The following PACS2 variants were observed in gnomAD, a reference collection of about 807,000 sequenced individuals.
PACS2 encodes phosphofurin acidic cluster sorting protein 2.
PACS2 carries 36 observed loss-of-function variants against 113.0 expected under a neutral mutation model. The ratio of observed to expected loss-of-function variants is 0.32; its 90% CI spans 0.24 to 0.42. The LOEUF is 0.42. Among genes scored for constraint, PACS2 ranks in the 10% least tolerant of loss-of-function variants. The pLI, the probability that PACS2 is intolerant of heterozygous loss-of-function variation, is 1.00. For synonymous variants in PACS2, 589 were observed against 536.1 expected, an observed-to-expected ratio of 1.10 and a Z score of -1.36; for missense variants, 1,015 against 1,239.5, an observed-to-expected ratio of 0.82 and a Z score of 2.72.
At chr14:105,305,909 G>A (rs587625796) in intron 1 of PACS2, among the ~76,000 whole-genome samples, 15 of 152,356 alleles carry the variant, frequency 9.8e-5, no homozygotes, top group African/African-American at 2.9e-4. Context: ...CACTCGCACC[G>A]CGCCAAAGAG....
At chr14:105,316,352 C>G (rs2058629106) in intron 1 of PACS2, among the ~76,000 whole-genome samples, 1 of 152,238 alleles carries the variant, frequency 6.6e-6, no homozygotes. Flanking sequence ...GAGCATCTCC[C>G]CAGGCCTGGC....
In PACS2 at chr14:105,330,183, G is replaced by A. The variant is rs1367081722; in HGVS notation, c.119+15146G>A. 1.4e-5 allele frequency among the ~76,000 whole-genome samples: 2 copies of A among 144,136 alleles called. No individual in the cohort carries two copies. Among genetic ancestry groups the A allele is most frequent in the Admixed American group, 6.8e-5 (1 of 14,662 alleles). The allele number at this position is 144,136 out of a possible 152,430, so 94.6% of individuals were successfully genotyped here. ...CTGGGGTCCGTGTGTGGGACGGAAC[G>A]GGGACAGGGAGCCTCCGAGAAGCCT... On this transcript the variant is annotated intron_variant, in intron 1 of 24. Coordinates refer to ENST00000447393, the MANE Select transcript of PACS2 (RefSeq NM_001100913.3). The surrounding 1 kb of genome is among the most constrained non-coding windows in gnomAD (Gnocchi z 6.9).
chr14:105,327,579 G>A (rs2059166313), intron 1 of PACS2, among the ~76,000 whole-genome samples: 2 of 152,238 alleles, frequency 1.3e-5, no homozygotes, highest in Non-Finnish European at 2.9e-5. Flanking sequence ...GCAGGGTGGT[G>A]CATCTCATGC....
Position 105,357,471 on chromosome 14 carries a change from C to T in PACS2, c.423+2294C>T, listed in dbSNP as rs2060498537. On this transcript the variant is annotated intron_variant, in intron 4 of 24. Coordinates refer to ENST00000447393, the MANE Select transcript of PACS2 (RefSeq NM_001100913.3). The surrounding 1 kb of genome is among the most constrained non-coding windows in gnomAD (Gnocchi z 5.1). ...GACTGCTCCTCGCTCTCCCCTCCAGCATCTCCTCCAGGCCCTCGGGGCATC... is the reference window on the plus strand; with the variant it reads ...GACTGCTCCTCGCTCTCCCCTCCAGTATCTCCTCCAGGCCCTCGGGGCATC... Among the ~76,000 whole-genome samples the T allele has an allele frequency of 6.6e-6, 1 of 152,168 alleles. No individual in the cohort carries two copies. Among genetic ancestry groups the T allele is most frequent in the Non-Finnish European group, 1.5e-5 (1 of 68,032 alleles).
At chr14:105,345,908 C>A (rs1400997134) in intron 1 of PACS2, among the ~76,000 whole-genome samples, 1 of 152,208 alleles carries the variant, frequency 6.6e-6, no homozygotes, top group Admixed American at 6.5e-5. Context: ...TGGAGGAGCG[C>A]CCCCTCAGGC....
At chr14:105,351,564 G>A (rs189725454) in intron 2 of PACS2, among the ~76,000 whole-genome samples, 4 of 152,342 alleles carry the variant, frequency 2.6e-5, no homozygotes, top group African/African-American at 9.6e-5. Flanking sequence ...TTTAGGCCAG[G>A]TGCAGTGGCT....
chr14:105,353,110 C>T (rs1293028969), intron 3 of PACS2, among the ~76,000 whole-genome samples: 2 of 132,470 alleles, frequency 1.5e-5, no homozygotes, highest in Non-Finnish European at 3.3e-5. Context: ...TCACTGTCCC[C>T]TGGGGTGACG....
In PACS2 at chr14:105,317,615, G is replaced by GT. The variant is rs200886983; in HGVS notation, c.119+2587dup. Among the ~76,000 whole-genome samples the GT allele has an allele frequency of 0.024, 3,700 of 151,702 alleles. 71 individuals carry two copies. The highest frequency in any genetic ancestry group is 0.054 in the Middle Eastern group (16 of 294). On this transcript the variant is annotated intron_variant, in intron 1 of 24. Transcript: ENST00000447393. The surrounding 1 kb of genome is among the most constrained non-coding windows in gnomAD (Gnocchi z 4.2). ...CAGTGAAATTCCTGTTCCTTTGCCA[G>GT]TTTTTTTTTCTCTTTTTTTCTGCTT...
At chr14:105,304,151 G>A (rs1377160555) in intron 1 of PACS2, among the ~76,000 whole-genome samples, 1 of 152,220 alleles carries the variant, frequency 6.6e-6, no homozygotes, top group Non-Finnish European at 1.5e-5. Context: ...TTGGCCAGAG[G>A]AGCAGAGGGT....
rs201946940 is a variant in PACS2, at chr14:105,382,566, G to A, written c.1503G>A (p.Ser501=). The part of the protein sequence containing the change: ...LPENIILVNT[S]DWQGQFLSDV... ...AAAACATCATCCTTGTCAACACCTC[G>A]GACTGGCAGGGGCAGGTAGAGGGGC... Residue 501 remains serine (S), a synonymous_variant, in exon 14 of 25, where the codon TCG becomes TCA. Transcript: ENST00000447393. The A allele has an allele frequency of 8.0e-5, 129 of 1,604,994 alleles. No homozygotes were observed. The highest frequency in any genetic ancestry group is 6.6e-5 in the South Asian group (6 of 90,928).
Position 105,368,094 on chromosome 14 carries a change from T to G in PACS2, c.607T>G (p.Tyr203Asp). The change falls in exon 6 of 25, where the codon TAT (tyrosine) becomes GAT (aspartate). Residue 203 changes from tyrosine (Y) to aspartate (D), a missense_variant. This residue lies in a region of PACS2 where 859 missense variants were observed against 1,056.8 expected (regional missense o/e 0.81). Transcript: ENST00000447393. ...KSTDNYSEEE[Y>D]ESFSSEQEAS... is the part of the protein sequence containing the mutation. The stretch of plus-strand genomic sequence containing the variant: ...CGCAGATAACTACTCCGAGGAGGAG[T>G]ATGAGAGCTTCTCCTCCGAGCAGGA... 6.2e-7 allele frequency: 1 copy of G among 1,609,464 alleles called. No individual in the cohort carries two copies. The highest frequency in any genetic ancestry group is 8.5e-7 in the Non-Finnish European group (1 of 1,176,622).
intron 4 of PACS2, among the ~76,000 whole-genome samples, chr14:105,362,940 C>A (rs1031578828): frequency 6.6e-6 from 1 of 152,222 alleles, no homozygotes; most frequent in African/African-American, 2.4e-5. Flanking sequence ...AAACAACATT[C>A]GTCTCCTGCG....
intron 1 of PACS2, among the ~76,000 whole-genome samples, chr14:105,341,434 GT>G (rs1443266130): frequency 5.3e-5 from 8 of 152,324 alleles, no homozygotes; most frequent in African/African-American, 1.9e-4. Context: ...ATATTGAGTT[GT>G]TTTTAAAATA....
At chr14:105,343,241 T>C (rs1482974183) in intron 1 of PACS2, among the ~76,000 whole-genome samples, 2 of 152,238 alleles carry the variant, frequency 1.3e-5, no homozygotes, top group Admixed American at 6.5e-5. Flanking sequence ...TAGCTGTTGC[T>C]GAATAGTACC....
rs587702815 is a variant in PACS2 at position 105,385,416 on chromosome 14, G to A, written c.2001-269G>A. On this transcript the variant is annotated intron_variant, in intron 18 of 24. Transcript: ENST00000447393. ...TGTCCTCACCTGCCCAGAGCAGGAC[G>A]GTGCTCAGGAGCCCCCGGCCGAAAG... Among the ~76,000 whole-genome samples the A allele has an allele frequency of 2.0e-5, 3 of 152,308 alleles. No homozygotes were observed. In the South Asian group the frequency reaches 6.2e-4, roughly 32 times the overall value.
At position 105,391,680 on chromosome 14, in the gene PACS2, CCCG is replaced by C; in HGVS notation, c.2173_2175del (p.Pro725del). ...CGGGCTCTGGCACGCTCTCCTCCAC[CCCG>C]CCGTCCGCATCTCCTGCGGCCAAGG... On this transcript the variant is annotated inframe_deletion, in exon 22 of 25. Coordinates refer to ENST00000447393, the MANE Select transcript of PACS2 (RefSeq NM_001100913.3). 6.2e-7 allele frequency: 1 copy of C among 1,609,344 alleles called. No homozygotes were observed. Among genetic ancestry groups the C allele is most frequent in the Non-Finnish European group, 8.5e-7 (1 of 1,178,732 alleles).
In PACS2 at chr14:105,304,618, G is replaced by C. The variant is rs587737095; in HGVS notation, c.-83+3639G>C. ...CTGCAGAGGAGGGGTGCTATGGTCT[G>C]AATGTGCATTGTATCAGTCTGTTTT... On this transcript the variant is annotated intron_variant, in intron 1 of 23. Transcript: ENST00000430725. Among the ~76,000 whole-genome samples the C allele has an allele frequency of 1.7e-4, 26 of 152,332 alleles. No individual in the cohort carries two copies. The East Asian group carries it at 4.1e-3, about 24-fold the overall frequency.
intron 4 of PACS2, among the ~76,000 whole-genome samples, chr14:105,362,571 C>G (rs1265847685): frequency 6.6e-6 from 1 of 152,036 alleles, no homozygotes; most frequent in Non-Finnish European, 1.5e-5. Flanking sequence ...AGACTTGAGG[C>G]CAGGCGCAGT....
chr14:105,341,913 C>G (rs587727456), intron 1 of PACS2, among the ~76,000 whole-genome samples: 2 of 152,184 alleles, frequency 1.3e-5, no homozygotes, highest in Non-Finnish European at 2.9e-5. Context: ...AGAGGAGCCC[C>G]TGCCTAGGGA....
Sources: allele counts gnomAD v4.1 joint callset (sites outside exome capture counted in the v4.1 genomes callset), GRCh38; gene constraint gnomAD v4.1.1; regional missense constraint gnomAD v4.1.1; non-coding constraint Gnocchi (gnomAD v3.1); transcripts MANE v1.5; gene names NCBI Gene and HGNC (gene_info 2026-07-23, HGNC 2026-07-21).